TMOD1: variants seen among roughly 807,000 people sequenced by gnomAD.
TMOD1 encodes tropomodulin-1.
A neutral mutation model predicts 40.6 loss-of-function variants in TMOD1; 17 were observed. The ratio of observed to expected loss-of-function variants is 0.42; its 90% CI spans 0.29 to 0.63. The LOEUF (loss-of-function observed/expected upper bound fraction) is 0.63. Among genes scored for constraint, TMOD1 ranks in the 20% least tolerant of loss-of-function variants. The probability of loss-of-function intolerance (pLI) is 0.22; values close to 1 mark genes in which losing one functional copy is unlikely to be tolerated. For synonymous variants in TMOD1, 181 were observed against 175.0 expected (o/e 1.03, Z -0.27); for missense variants, 391 against 447.6 (o/e 0.87, Z 1.14).
chr9:97,524,433 C>G, intron 2 of TMOD1, 125 bp downstream of exon 2: 1 of 1,219,084 alleles, frequency 8.2e-7, no homozygotes. Context: ...TATAACTTTG[C>G]CTTTGCAGAT....
intron 8 of TMOD1, among the ~76,000 whole-genome samples, chr9:97,579,531 C>T (rs2131280402): frequency 6.6e-6 from 1 of 152,320 alleles, no homozygotes; most frequent in South Asian, 2.1e-4. Context: ...AGTGATCCTC[C>T]TGCCTCAGCT....
In TMOD1 at chr9:97,599,954, A is replaced by G. The variant is rs1236280028; in HGVS notation, c.*256A>G. On this transcript the variant is annotated 3_prime_UTR_variant, in exon 10 of 10. Transcript: ENST00000259365. Reference sequence around the variant, plus strand: ...AAACTAGAAGCCCCCAAACCAGCAGATCTTACTGAAGATGATGTTCCAGCA... The same window carrying G: ...AAACTAGAAGCCCCCAAACCAGCAGGTCTTACTGAAGATGATGTTCCAGCA... The G allele has an allele frequency of 8.0e-7, 1 of 1,254,032 alleles. No homozygotes were observed. Among genetic ancestry groups the G allele is most frequent in the Non-Finnish European group, 1.0e-6 (1 of 989,794 alleles). 77.7% of individuals were successfully genotyped at this position (1,254,032 alleles called of 1,614,324 possible).
At chr9:97,507,327 A>T (rs1003575356) in intron 1 of TMOD1, among the ~76,000 whole-genome samples, 1 of 152,200 alleles carries the variant, frequency 6.6e-6, no homozygotes, top group Admixed American at 6.5e-5. Context: ...CTCCATGCAA[A>T]CCAAGAGAGA....
At chr9:97,539,504 C>T (rs1348614919) in intron 2 of TMOD1, among the ~76,000 whole-genome samples, 1 of 152,198 alleles carries the variant, frequency 6.6e-6, no homozygotes, top group Non-Finnish European at 1.5e-5. Context: ...TCAGCATCAC[C>T]GTGAACCACT....
chr9:97,577,685 C>A (rs1825641703), intron 8 of TMOD1, among the ~76,000 whole-genome samples: 1 of 152,018 alleles, frequency 6.6e-6, no homozygotes, highest in Non-Finnish European at 1.5e-5. Context: ...GCAGGAGCAT[C>A]GCTTGAACCC....
chr9:97,567,397 T>C (rs1210884234), intron 7 of TMOD1, among the ~76,000 whole-genome samples: 1 of 152,098 alleles, frequency 6.6e-6, no homozygotes, highest in African/African-American at 2.4e-5. Context: ...TCTGGGCCAG[T>C]TGGTAAATCA....
At chr9:97,562,897 G>A in intron 5 of TMOD1, 76 bp downstream of exon 5, 2 of 1,252,708 alleles carry the variant, frequency 1.6e-6, no homozygotes, top group East Asian at 2.7e-5. Flanking sequence ...CTGGCTCATT[G>A]CAGAAGTTTT....
At chr9:97,593,337 A>C (rs143817618) in intron 9 of TMOD1, among the ~76,000 whole-genome samples, 3 of 152,286 alleles carry the variant, frequency 2.0e-5, no homozygotes, top group East Asian at 3.9e-4. Context: ...TCCAAAATTC[A>C]GGCCTGACTC....
chr9:97,514,647 T>C (rs1164735045), intron 1 of TMOD1, among the ~76,000 whole-genome samples: 1 of 152,180 alleles, frequency 6.6e-6, no homozygotes, highest in Non-Finnish European at 1.5e-5. Context: ...GCCTGGTGTA[T>C]TCAGCTGGAA....
chr9:97,541,528 T>A (rs1587930863), intron 2 of TMOD1, among the ~76,000 whole-genome samples: 1 of 151,756 alleles, frequency 6.6e-6, no homozygotes, highest in Non-Finnish European at 1.5e-5. Context: ...TTTTTTATTT[T>A]TTTTTTTGAG....
intron 2 of TMOD1, among the ~76,000 whole-genome samples, chr9:97,541,647 C>T (rs1830277800): frequency 6.6e-6 from 1 of 151,474 alleles, no homozygotes; most frequent in African/African-American, 2.4e-5. Context: ...TCCTGAGTAG[C>T]TGGGATTACA....
intron 1 of TMOD1, 124 bp from the exon 2 acceptor site, chr9:97,524,017 T>C (rs1179345475): frequency 3.1e-6 from 2 of 635,552 alleles, no homozygotes; most frequent in Non-Finnish European, 2.6e-6. Context: ...TATTCCACCA[T>C]AGTAATGATT....
At position 97,600,110 on chromosome 9, in the gene TMOD1, A is replaced by G. The variant is rs1826219460; in HGVS notation, c.*412A>G. ...TTGAAGTATTATAAAACACTTTATT[A>G]CAAATTTGTCTTAGCTATTAGCAAA... On this transcript the variant is annotated 3_prime_UTR_variant, in exon 10 of 10. Coordinates refer to ENST00000259365, the MANE Select transcript of TMOD1 (RefSeq NM_003275.4). The G allele has an allele frequency of 2.0e-6, 2 of 1,007,008 alleles. No individual in the cohort carries two copies. The highest frequency in any genetic ancestry group is 1.0e-4 in the Admixed American group (2 of 19,170). The allele number at this position is 1,007,008 out of a possible 1,614,324, so 62.4% of individuals were successfully genotyped here.
At chr9:97,539,156 C>G (rs1830237853) in intron 2 of TMOD1, among the ~76,000 whole-genome samples, 1 of 152,128 alleles carries the variant, frequency 6.6e-6, no homozygotes, top group Admixed American at 6.5e-5. Context: ...GATCATAGCC[C>G]TACATGTTAA....
intron 8 of TMOD1, among the ~76,000 whole-genome samples, chr9:97,570,632 C>T (rs962626188): frequency 2.4e-4 from 36 of 152,148 alleles, no homozygotes; most frequent in African/African-American, 8.7e-4. Flanking sequence ...CCTCTGGGCT[C>T]CCCTAGCACC....
chr9:97,559,162 G>A lies in TMOD1; in HGVS notation c.398-3570G>A, dbSNP rs150647614. 1.3e-3 allele frequency among the ~76,000 whole-genome samples: 196 copies of A among 152,184 alleles called. 1 individual carries two copies. Among genetic ancestry groups the A allele is most frequent in the African/African-American group, 4.5e-3 (187 of 41,532 alleles). ...AACCCCAGCACATCCCAGAACCCCC[G>A]TGAGCTGCTCCGTGGGAGCTGGAGA... On this transcript the variant is annotated intron_variant, in intron 4 of 9. Coordinates refer to ENST00000259365, the MANE Select transcript of TMOD1 (RefSeq NM_003275.4).
rs1452957830 is a variant in TMOD1 at position 97,557,745 on chromosome 9, T to C, written c.397+4345T>C. On this transcript the variant is annotated intron_variant, in intron 4 of 9. Coordinates refer to ENST00000259365, the MANE Select transcript of TMOD1 (RefSeq NM_003275.4). This position sits in a 1 kb window ranked among gnomAD's most constrained non-coding sequence, Gnocchi z 4.4. ...AGCCGGGGATGTGTGCTGTTATCTC[T>C]CTGCGTCCTGAGTGGAATTACCAAA... is the stretch of plus-strand genomic sequence containing the variant. Among the ~76,000 whole-genome samples, 5 of 152,150 alleles carry C rather than the reference T, an allele frequency of 3.3e-5. No homozygotes were observed. The highest frequency in any genetic ancestry group is 1.2e-4 in the African/African-American group (5 of 41,434).
chr9:97,550,133 T>A (rs1239694087), intron 3 of TMOD1, among the ~76,000 whole-genome samples: 1 of 152,260 alleles, frequency 6.6e-6, no homozygotes, highest in East Asian at 1.9e-4. Context: ...AATGAAATCA[T>A]ACAATATGTG....
At chr9:97,593,233 C>G (rs1826036726) in intron 9 of TMOD1, among the ~76,000 whole-genome samples, 1 of 152,102 alleles carries the variant, frequency 6.6e-6, no homozygotes, top group Non-Finnish European at 1.5e-5. Flanking sequence ...TCTAGATGAG[C>G]AGAGGTCACA....
Sources: gnomAD v4.1 joint callset for allele counts (sites outside exome capture counted in the v4.1 genomes callset) on GRCh38, gnomAD v4.1.1 for gene constraint, Gnocchi (gnomAD v3.1) non-coding constraint, MANE v1.5 for transcripts, NCBI Gene and HGNC (gene_info 2026-07-23, HGNC 2026-07-21) for gene names.